Variants in DSCAM observed in about 807,000 individuals in gnomAD.
DSCAM encodes the protein cell adhesion molecule DSCAM.
DSCAM carries 47 observed loss-of-function variants against 217.7 expected under a neutral mutation model. The ratio of observed to expected loss-of-function variants is 0.22; its 90% CI spans 0.17 to 0.28. The LOEUF is 0.28. Ranked by LOEUF, DSCAM falls within the 10% of genes least tolerant of loss-of-function variation. DSCAM has a pLI of 1.00. For synonymous variants in DSCAM, 1,056 were observed against 1,015.3 expected (o/e 1.04, Z -0.76); for missense variants, 2,080 against 2,618.3 (o/e 0.79, Z 4.49).
chr21:40,764,339 A>G lies in DSCAM; in HGVS notation c.44-55568T>C, dbSNP rs1601230377. Among the ~76,000 whole-genome samples the G allele has an allele frequency of 2.1e-5, 3 of 144,022 alleles. No individual in the cohort carries two copies. The Admixed American group carries it at 2.1e-4, about 10-fold the overall frequency. 94.5% of individuals were successfully genotyped at this position (144,022 alleles called of 152,430 possible). ...TATTTATGCCGCCAAAAAAAAAAAA[A>G]AATGAAAAAAAGCTCATCATCACTG... is the stretch of plus-strand genomic sequence containing the variant. On this transcript the variant is annotated intron_variant, in intron 1 of 32. Coordinates refer to ENST00000400454, the MANE Select transcript of DSCAM (RefSeq NM_001389.5).
At chr21:40,462,167 A>G (rs2145950509) in intron 3 of DSCAM, among the ~76,000 whole-genome samples, 1 of 152,320 alleles carries the variant, frequency 6.6e-6, no homozygotes, top group Admixed American at 6.5e-5. Flanking sequence ...AAGTTCAGAT[A>G]AGAAAATTTC....
intron 3 of DSCAM, among the ~76,000 whole-genome samples, chr21:40,548,469 G>A (rs771009577): frequency 2.0e-5 from 3 of 150,640 alleles, no homozygotes; most frequent in Non-Finnish European, 4.4e-5. Context: ...TTACAATCCT[G>A]GATGTAATTA....
intron 16 of DSCAM, among the ~76,000 whole-genome samples, chr21:40,146,609 T>C (rs2090360296): frequency 6.6e-6 from 1 of 152,222 alleles, no homozygotes; most frequent in African/African-American, 2.4e-5. Flanking sequence ...TCTCCATTTA[T>C]GGTTTTCTTG....
At chr21:40,526,057 G>A (rs927688683) in intron 3 of DSCAM, among the ~76,000 whole-genome samples, 7 of 152,010 alleles carry the variant, frequency 4.6e-5, no homozygotes, top group South Asian at 2.1e-4. Context: ...TCCCATGTCC[G>A]TTCCCCAATT....
chr21:40,559,458 C>CA (rs59510708), intron 3 of DSCAM, among the ~76,000 whole-genome samples: 4,380 of 115,894 alleles, frequency 0.038, 143 homozygotes, highest in East Asian at 0.12. Flanking sequence ...GACCCCGTCT[C>CA]AAAAAAAAAA....
chr21:40,093,605 G>T, intron 21 of DSCAM, 116 bp downstream of exon 21: 1 of 1,258,576 alleles, frequency 7.9e-7, no homozygotes, highest in Non-Finnish European at 1.1e-6. Flanking sequence ...GAGCTAAAAT[G>T]TGATATTCTG....
chr21:40,094,919 A>G (rs1196702106), intron 20 of DSCAM, among the ~76,000 whole-genome samples: 2 of 152,234 alleles, frequency 1.3e-5, no homozygotes, highest in Admixed American at 6.5e-5. Flanking sequence ...CCACAAACAA[A>G]TAGCCCAAAT....
chr21:40,013,538 C>A (rs2088101493), intron 32 of DSCAM, 152 bp from the exon 33 acceptor site: 3 of 554,396 alleles, frequency 5.4e-6, no homozygotes, highest in Non-Finnish European at 8.8e-6. Flanking sequence ...CAGCGCTCAC[C>A]ACAAAGACAG....
At chr21:40,585,057 G>C (rs1179291577) in intron 3 of DSCAM, among the ~76,000 whole-genome samples, 2 of 152,030 alleles carry the variant, frequency 1.3e-5, no homozygotes. Context: ...TTGTCATGTG[G>C]GAGGCCATGT....
chr21:40,794,179 T>A (rs189376021), intron 1 of DSCAM, among the ~76,000 whole-genome samples: 2 of 152,310 alleles, frequency 1.3e-5, no homozygotes, highest in Admixed American at 6.5e-5. Flanking sequence ...AGCTGCACAC[T>A]CTTCGTCTAT....
At chr21:40,539,754 C>T (rs1273462189) in intron 3 of DSCAM, among the ~76,000 whole-genome samples, 2 of 152,014 alleles carry the variant, frequency 1.3e-5, no homozygotes, top group African/African-American at 4.8e-5. Context: ...AAAGACAATT[C>T]CTGAGATTTT....
chr21:40,078,853 G>A lies in DSCAM; in HGVS notation c.4545C>T (p.Pro1515=), dbSNP rs2146555502. The A allele has an allele frequency of 6.2e-7, 1 of 1,614,218 alleles. No individual in the cohort carries two copies. The highest frequency in any genetic ancestry group is 8.5e-7 in the Non-Finnish European group (1 of 1,180,044). ...PITSFTLEYR[P]FGTTVWTTAQ... ...CTGTGGTCCAAACTGTGGTCCCAAA[G>A]GGCCTGTACTCTAGTGTGAAGGAGG... is the stretch of plus-strand genomic sequence containing the variant. The change falls in exon 26 of 33, where the codon CCC becomes CCT. Residue 1515 remains proline (P), a synonymous_variant. Transcript: ENST00000400454.
chr21:40,831,802 A>T (rs534428513), intron 1 of DSCAM, among the ~76,000 whole-genome samples: 1 of 152,352 alleles, frequency 6.6e-6, no homozygotes, highest in East Asian at 1.9e-4. Flanking sequence ...TCTCTTACTT[A>T]TCTAACTTAA....
At chr21:40,018,922 G>T (rs755324697) in intron 32 of DSCAM, among the ~76,000 whole-genome samples, 19 of 152,224 alleles carry the variant, frequency 1.2e-4, no homozygotes, top group Non-Finnish European at 2.4e-4. Flanking sequence ...ACAAAGTTGT[G>T]TGATTCTCTA....
chr21:40,170,175 CT>C (rs1309926493), intron 15 of DSCAM, among the ~76,000 whole-genome samples: 1 of 152,200 alleles, frequency 6.6e-6, no homozygotes, highest in African/African-American at 2.4e-5. Context: ...TTCCCTGGGG[CT>C]TTCTTCTCCC....
In DSCAM at chr21:40,134,154, G is replaced by A. The variant is rs981578475; in HGVS notation, c.3407-145C>T. The A allele has an allele frequency of 3.8e-6, 4 of 1,039,232 alleles. No individual in the cohort carries two copies. The African/African-American group carries it at 4.9e-5, about 13-fold the overall frequency. 64.4% of individuals were successfully genotyped at this position (1,039,232 alleles called of 1,614,324 possible). On this transcript the variant is annotated intron_variant, in intron 18 of 32. Coordinates refer to ENST00000400454, the MANE Select transcript of DSCAM (RefSeq NM_001389.5). Reference sequence around the variant, plus strand: ...ACACGAGAATTCTCAAAGGGACTGTGCACAGTCATCCTGTGAGCTCATGGT... The same window carrying A: ...ACACGAGAATTCTCAAAGGGACTGTACACAGTCATCCTGTGAGCTCATGGT...
chr21:40,315,095 T>A (rs1026930856), intron 8 of DSCAM, among the ~76,000 whole-genome samples: 2 of 152,160 alleles, frequency 1.3e-5, no homozygotes, highest in African/African-American at 4.8e-5. Flanking sequence ...GCATATTTTT[T>A]AATCTAGCTA....
chr21:40,161,848 T>A (rs1434296622), intron 16 of DSCAM, among the ~76,000 whole-genome samples: 1 of 152,184 alleles, frequency 6.6e-6, no homozygotes, highest in East Asian at 1.9e-4. Flanking sequence ...AAGTGATAGT[T>A]GAAGAATTAA....
chr21:40,202,872 T>C (rs547589973), intron 11 of DSCAM, among the ~76,000 whole-genome samples: 3 of 152,370 alleles, frequency 2.0e-5, no homozygotes, highest in Admixed American at 1.3e-4. Flanking sequence ...ATCTGGATTG[T>C]ATCATTTATT....
Sources: gnomAD v4.1 joint callset for allele counts (sites outside exome capture counted in the v4.1 genomes callset) on GRCh38, gnomAD v4.1.1 for gene constraint, MANE v1.5 for transcripts, NCBI Gene and HGNC (gene_info 2026-07-23, HGNC 2026-07-21) for gene names.